AGPAT3: variants seen among roughly 807,000 people sequenced by gnomAD.
The protein encoded by AGPAT3 is 1-acyl-sn-glycerol-3-phosphate acyltransferase gamma.
A neutral mutation model predicts 47.3 loss-of-function variants in AGPAT3; 5 were observed. The observed-to-expected ratio is 0.11, with a 90% CI of 0.06 to 0.22. The LOEUF (loss-of-function observed/expected upper bound fraction) is 0.22, where lower values mean the gene tolerates loss of function less well. Ranked by LOEUF, AGPAT3 falls within the 10% of genes least tolerant of loss-of-function variation. AGPAT3 has a pLI of 1.00. For synonymous variants in AGPAT3, 212 were observed against 208.3 expected (o/e 1.02, Z -0.15); for missense variants, 315 against 493.0 (o/e 0.64, Z 3.42).
At chr21:43,888,729 G>A (rs777932221) in intron 1 of AGPAT3, among the ~76,000 whole-genome samples, 4 of 152,238 alleles carry the variant, frequency 2.6e-5, no homozygotes, top group African/African-American at 7.2e-5. Flanking sequence ...GGTGCTTCAC[G>A]CCTGTAATCC....
chr21:43,939,199 A>G lies in AGPAT3; in HGVS notation c.-48-20435A>G, dbSNP rs1391067113. ...ATCCCACTGTGGCCCCGTGACCCTG[A>G]GCGAGAATGCACTGGCCGGGCCTCC... is the stretch of plus-strand genomic sequence containing the variant. On this transcript the variant is annotated intron_variant, in intron 2 of 9. Coordinates refer to ENST00000291572, the MANE Select transcript of AGPAT3 (RefSeq NM_020132.5). The surrounding 1 kb of genome is among the most constrained non-coding windows in gnomAD (Gnocchi z 4.4). 1.3e-5 allele frequency among the ~76,000 whole-genome samples: 2 copies of G among 152,114 alleles called. No individual in the cohort carries two copies. The highest frequency in any genetic ancestry group is 4.8e-5 in the African/African-American group (2 of 41,406).
chr21:43,947,692 C>CT (rs534895749), intron 2 of AGPAT3, among the ~76,000 whole-genome samples: 39,874 of 141,974 alleles, frequency 0.28, 6,534 homozygotes, highest in South Asian at 0.38. Context: ...CTTTTCTTTT[C>CT]TTTTTTTTTT....
intron 1 of AGPAT3, among the ~76,000 whole-genome samples, chr21:43,888,409 A>G (rs1433100925): frequency 6.6e-6 from 1 of 152,160 alleles, no homozygotes; most frequent in Non-Finnish European, 1.5e-5. Context: ...ATATATATAT[A>G]TATGAAAGCT....
At chr21:43,957,709 C>T (rs975743100) in intron 2 of AGPAT3, among the ~76,000 whole-genome samples, 1 of 149,740 alleles carries the variant, frequency 6.7e-6, no homozygotes, top group African/African-American at 2.5e-5. Context: ...GTTTCCCCCT[C>T]CACACGGGGG....
At chr21:43,941,061 A>G (rs1270429032) in intron 2 of AGPAT3, among the ~76,000 whole-genome samples, 2 of 152,178 alleles carry the variant, frequency 1.3e-5, no homozygotes, top group African/African-American at 4.8e-5. Context: ...GCCTCTGTCC[A>G]TGGGGTGTGT....
chr21:43,911,459 T>C (rs572042210), intron 2 of AGPAT3, among the ~76,000 whole-genome samples: 11 of 152,370 alleles, frequency 7.2e-5, no homozygotes, highest in African/African-American at 2.2e-4. Context: ...GAGGCCTGTC[T>C]GGGAAGATTG....
Position 43,932,926 on chromosome 21 carries a change from A to G in AGPAT3, c.-48-26708A>G, listed in dbSNP as rs2087303077. On this transcript the variant is annotated intron_variant, in intron 2 of 9. Transcript: ENST00000291572. The surrounding 1 kb of genome is among the most constrained non-coding windows in gnomAD (Gnocchi z 5.2). ...TGGCCTCCCAAAGTGCTGGGATTACAGGTGTGAGCCACCGCCCTGGGCCAG... is the reference window on the plus strand; with the variant it reads ...TGGCCTCCCAAAGTGCTGGGATTACGGGTGTGAGCCACCGCCCTGGGCCAG... 6.6e-6 allele frequency among the ~76,000 whole-genome samples: 1 copy of G among 152,224 alleles called. No individual in the cohort carries two copies. Among genetic ancestry groups the G allele is most frequent in the Non-Finnish European group, 1.5e-5 (1 of 68,036 alleles).
chr21:43,970,717 C>T lies in AGPAT3; in HGVS notation c.575C>T (p.Ala192Val). 1 of 1,613,380 alleles carries T rather than the reference C, an allele frequency of 6.2e-7. No individual in the cohort carries two copies. Among genetic ancestry groups the T allele is most frequent in the Non-Finnish European group, 8.5e-7 (1 of 1,179,536 alleles). The change falls in exon 6 of 10, where the codon GCG becomes GTG. Residue 192 changes from alanine to valine, a missense_variant. Transcript: ENST00000291572. This position sits in a 1 kb window ranked among gnomAD's most constrained non-coding sequence, Gnocchi z 5.8. ...ETKHRVSMEV[A>V]AAKGLPVLKY... ...AAGCACCGCGTTAGCATGGAGGTGG[C>T]GGCTGCTAAGGGGCTTCCTGTCCTC...
intron 1 of AGPAT3, among the ~76,000 whole-genome samples, chr21:43,900,306 G>T (rs936521945): frequency 6.6e-6 from 1 of 152,224 alleles, no homozygotes; most frequent in Non-Finnish European, 1.5e-5. Flanking sequence ...TAGCCATGGT[G>T]GAAGATACAG....
intron 1 of AGPAT3, among the ~76,000 whole-genome samples, chr21:43,900,085 G>C: frequency 6.6e-6 from 1 of 152,178 alleles, no homozygotes; most frequent in Non-Finnish European, 1.5e-5. Flanking sequence ...AAATGATCTG[G>C]AGGTAGAAAG....
At chr21:43,876,372 T>G (rs1433526241) in intron 1 of AGPAT3, among the ~76,000 whole-genome samples, 7 of 152,262 alleles carry the variant, frequency 4.6e-5, no homozygotes, top group Non-Finnish European at 8.8e-5. Flanking sequence ...TCACACACTT[T>G]GTGATTTTGG....
In AGPAT3 at chr21:43,954,651, C is replaced by T. The variant is rs1380501411; in HGVS notation, c.-48-4983C>T. The T allele has an allele frequency of 2.6e-5, 4 of 152,434 alleles. No homozygotes were observed. Among genetic ancestry groups the T allele is most frequent in the East Asian group, 1.9e-4 (1 of 5,202 alleles). The allele number at this position is 152,434 out of a possible 1,614,324, so 9.4% of individuals were successfully genotyped here. ...TGCAGACAGCTGGGGGACACCGTCC[C>T]GGGTGTGACCTTGGGCCACACGGCA... On this transcript the variant is annotated intron_variant, in intron 2 of 9. Coordinates refer to ENST00000291572, the MANE Select transcript of AGPAT3 (RefSeq NM_020132.5). The surrounding 1 kb of genome is among the most constrained non-coding windows in gnomAD (Gnocchi z 4.0).
chr21:43,971,355 C>A, intron 6 of AGPAT3, 33 bp from the exon 7 acceptor site: 1 of 1,596,262 alleles, frequency 6.3e-7, no homozygotes, highest in Non-Finnish European at 8.6e-7. Flanking sequence ...GCCGCCTGGG[C>A]TGGGTCATTC....
chr21:43,938,695 T>G (rs1296712257), intron 2 of AGPAT3, among the ~76,000 whole-genome samples: 1 of 152,256 alleles, frequency 6.6e-6, no homozygotes, highest in Admixed American at 6.5e-5. Context: ...CCTGGTTGCC[T>G]TACCGTGTTT....
intron 2 of AGPAT3, among the ~76,000 whole-genome samples, chr21:43,951,105 C>T (rs568029731): frequency 1.7e-4 from 26 of 152,326 alleles, no homozygotes; most frequent in Middle Eastern, 3.4e-3. Context: ...CGGGGCTCAC[C>T]GTGGTCCCCT....
rs1035296871 is a variant in AGPAT3 at position 43,982,275 on chromosome 21, C to T, written c.1043-29C>T. 20 of 1,571,794 alleles carry T rather than the reference C, an allele frequency of 1.3e-5. No individual in the cohort carries two copies. The African/African-American group carries it at 2.3e-4, about 18-fold the overall frequency. On this transcript the variant is annotated intron_variant, in intron 9 of 9. Transcript: ENST00000291572. This position sits in a 1 kb window ranked among gnomAD's most constrained non-coding sequence, Gnocchi z 6.2. ...CAAAAAGGCAAAGTCATCCGTCTCACCTCTTCTCTCTCTCTCCTGTCTTGA... is the reference window on the plus strand; with the variant it reads ...CAAAAAGGCAAAGTCATCCGTCTCATCTCTTCTCTCTCTCTCCTGTCTTGA...
At position 43,983,497 on chromosome 21, in the gene AGPAT3, C is replaced by G. The variant is rs1052993803; in HGVS notation, c.*1105C>G. 6.6e-6 allele frequency: 1 copy of G among 152,302 alleles called. No homozygotes were observed. Among genetic ancestry groups the G allele is most frequent in the African/African-American group, 2.4e-5 (1 of 41,454 alleles). 9.4% of individuals were successfully genotyped at this position (152,302 alleles called of 1,614,324 possible). ...GGGGAAGGCCCGCCCCCATCCTGGC[C>G]GGTGTCACTGTGGCCCGGCCACCCC... On this transcript the variant is annotated 3_prime_UTR_variant, in exon 10 of 10. Coordinates refer to ENST00000291572, the MANE Select transcript of AGPAT3 (RefSeq NM_020132.5).
chr21:43,964,367 T>G (rs2089024493), intron 3 of AGPAT3, among the ~76,000 whole-genome samples: 1 of 152,044 alleles, frequency 6.6e-6, no homozygotes, highest in Non-Finnish European at 1.5e-5. Flanking sequence ...TTTTTTGTTT[T>G]GTATTTTTAT....
At chr21:43,965,786 ATTT>A (rs1339956287) in intron 3 of AGPAT3, 1 of 150,586 alleles carries the variant, frequency 6.6e-6, no homozygotes, top group East Asian at 1.9e-4. Flanking sequence ...AATTTTTTTT[ATTT>A]TTAAGTAGAG....
Sources: allele counts gnomAD v4.1 joint callset (sites outside exome capture counted in the v4.1 genomes callset), GRCh38; gene constraint gnomAD v4.1.1; non-coding constraint Gnocchi (gnomAD v3.1); transcripts MANE v1.5; gene names NCBI Gene and HGNC (gene_info 2026-07-23, HGNC 2026-07-21).